The following HIVEP3 variants were observed in gnomAD, a reference collection of about 807,000 sequenced individuals.
HIVEP3 encodes the protein transcription factor HIVEP3.
HIVEP3 carries 49 observed loss-of-function variants against 152.8 expected under a neutral mutation model. The observed-to-expected ratio is 0.32, with a 90% CI of 0.26 to 0.41. HIVEP3 has a LOEUF of 0.41. HIVEP3 is among the 10% of genes least tolerant of loss of function. HIVEP3 has a pLI of 1.00. For synonymous variants in HIVEP3, 1,269 were observed against 1,289.0 expected (o/e 0.98, Z 0.33); for missense variants, 2,790 against 3,103.3 (o/e 0.90, Z 2.40).
chr1:41,657,324 C>T (rs984877482), intron 2 of HIVEP3, among the ~76,000 whole-genome samples: 1 of 152,176 alleles, frequency 6.6e-6, no homozygotes, highest in African/African-American at 2.4e-5. Flanking sequence ...CTGAGCCCAT[C>T]GATGTCAGAG....
At chr1:41,721,620 C>T (rs1304916924) in intron 1 of HIVEP3, among the ~76,000 whole-genome samples, 1 of 152,206 alleles carries the variant, frequency 6.6e-6, no homozygotes, top group East Asian at 1.9e-4. Context: ...CTGCATCAGG[C>T]ACAGTTCTGA....
At chr1:41,812,692 A>G (rs1174445464) in intron 1 of HIVEP3, among the ~76,000 whole-genome samples, 5 of 145,326 alleles carry the variant, frequency 3.4e-5, no homozygotes, top group Admixed American at 6.8e-5. Flanking sequence ...GTGGGGGGGG[A>G]CCTGGGCTGC....
chr1:41,544,852 C>T (rs111203976), intron 5 of HIVEP3, among the ~76,000 whole-genome samples: 5 of 100,876 alleles, frequency 5.0e-5, no homozygotes, highest in Non-Finnish European at 8.0e-5. Flanking sequence ...ACTACCACCA[C>T]CACCACCACC....
chr1:41,726,569 C>T (rs188023723), intron 1 of HIVEP3, among the ~76,000 whole-genome samples: 55 of 152,264 alleles, frequency 3.6e-4, no homozygotes, highest in Non-Finnish European at 3.1e-4. Context: ...GGCCTCACCA[C>T]GATTTGAACT....
chr1:41,675,429 C>T (rs1422896072), intron 2 of HIVEP3, among the ~76,000 whole-genome samples: 3 of 152,182 alleles, frequency 2.0e-5, no homozygotes, highest in African/African-American at 7.2e-5. Flanking sequence ...GGAAGCCCTC[C>T]CCTGCCCCCA....
chr1:41,806,981 A>G (rs951958251), intron 1 of HIVEP3, among the ~76,000 whole-genome samples: 2 of 151,480 alleles, frequency 1.3e-5, no homozygotes, highest in African/African-American at 4.9e-5. Flanking sequence ...GTCATCGAGT[A>G]AGCAGTGGGG....
intron 1 of HIVEP3, among the ~76,000 whole-genome samples, chr1:41,896,215 A>G (rs114234449): frequency 2.8e-3 from 424 of 152,304 alleles, no homozygotes; most frequent in Middle Eastern, 6.8e-3. Flanking sequence ...AATAAAAACA[A>G]TGTCTACCAC....
intron 5 of HIVEP3, among the ~76,000 whole-genome samples, chr1:41,526,805 TCA>T (rs888329248): frequency 1.0e-3 from 87 of 84,954 alleles, no homozygotes; most frequent in Non-Finnish European, 1.2e-3. Flanking sequence ...ACGCTCACCC[TCA>T]CACATACACC....
chr1:41,849,368 T>C (rs1365682513), intron 1 of HIVEP3, among the ~76,000 whole-genome samples: 1 of 152,220 alleles, frequency 6.6e-6, no homozygotes, highest in South Asian at 2.1e-4. Flanking sequence ...AAACTAACCA[T>C]GCACAAACTT....
chr1:41,594,056 T>C (rs926936743), intron 3 of HIVEP3, among the ~76,000 whole-genome samples: 1 of 151,948 alleles, frequency 6.6e-6, no homozygotes, highest in African/African-American at 2.4e-5. Flanking sequence ...TTACATTGAG[T>C]CCACCTGGAT....
chr1:41,779,890 T>C (rs1179040365), intron 1 of HIVEP3, among the ~76,000 whole-genome samples: 1 of 152,310 alleles, frequency 6.6e-6, no homozygotes, highest in East Asian at 1.9e-4. Context: ...GTCAGACAGA[T>C]GCCGATGTGC....
chr1:41,988,373 C>G (rs1342738361), intron 1 of HIVEP3, among the ~76,000 whole-genome samples: 1 of 151,994 alleles, frequency 6.6e-6, no homozygotes, highest in East Asian at 1.9e-4. Flanking sequence ...AAACTCAAAC[C>G]ACTCAATATT....
Position 42,017,172 on chromosome 1 carries a change from A to G in HIVEP3, n.119+18635T>C, listed in dbSNP as rs1037821492. Reference sequence around the variant, plus strand: ...TTTCTTTTCAAAGAAATTTTTTCCAATTCATGTTTCTGAGATTATAAAAAA... The same window carrying G: ...TTTCTTTTCAAAGAAATTTTTTCCAGTTCATGTTTCTGAGATTATAAAAAA... On this transcript the variant is annotated intron_variant and non_coding_transcript_variant, in intron 1 of 3. Coordinates refer to the HIVEP3 transcript ENST00000489103. Among the ~76,000 whole-genome samples the G allele has an allele frequency of 2.6e-5, 4 of 151,956 alleles. No homozygotes were observed. The East Asian group carries it at 5.8e-4, about 22-fold the overall frequency.
chr1:41,780,996 T>C (rs1649008371), intron 1 of HIVEP3, among the ~76,000 whole-genome samples: 1 of 152,196 alleles, frequency 6.6e-6, no homozygotes, highest in Non-Finnish European at 1.5e-5. Flanking sequence ...TGTTCCCCCA[T>C]TGTTCGTGAT....
rs1482418311 is a variant in HIVEP3 at position 41,682,643 on chromosome 1, G to A, written c.-721+18273C>T. On this transcript the variant is annotated intron_variant, in intron 2 of 8. Transcript: ENST00000372583. ...TGACGCCCAGCCGGGGACAGGTGGT[G>A]CCTAGGGATGCAGGACCTCTTGGTG... Among the ~76,000 whole-genome samples, 3 of 152,084 alleles carry A rather than the reference G, an allele frequency of 2.0e-5. 1 individual carries two copies. The highest frequency in any genetic ancestry group is 1.9e-4 in the East Asian group (1 of 5,194).
At chr1:41,512,747 A>G in intron 8 of HIVEP3, 69 bp downstream of exon 8, 1 of 1,256,928 alleles carries the variant, frequency 8.0e-7, no homozygotes, top group South Asian at 1.6e-5. Context: ...GATACCCAGG[A>G]GGGTGTGAAC....
rs143585095 is a variant in HIVEP3 at position 41,963,849 on chromosome 1, T to C, written n.120-45325A>G. 2.6e-5 allele frequency among the ~76,000 whole-genome samples: 4 copies of C among 152,280 alleles called. No individual in the cohort carries two copies. In the East Asian group the frequency reaches 7.7e-4, roughly 29 times the overall value. On this transcript the variant is annotated intron_variant and non_coding_transcript_variant, in intron 1 of 3. Transcript: ENST00000489103. ...TTTTTTTCTGCCGAACAGATTCAAG[T>C]TCACAAACAGTCACTCCCGGACATA...
At position 41,774,711 on chromosome 1, in the gene HIVEP3, T is replaced by A. The variant is rs141610264; in HGVS notation, c.-800-73716A>T. Among the ~76,000 whole-genome samples, 399 of 152,272 alleles carry A rather than the reference T, an allele frequency of 2.6e-3. 1 individual carries two copies. Among genetic ancestry groups the A allele is most frequent in the Non-Finnish European group, 4.5e-3 (307 of 68,016 alleles). On this transcript the variant is annotated intron_variant, in intron 1 of 8. Coordinates refer to ENST00000372583, the MANE Select transcript of HIVEP3 (RefSeq NM_024503.5). ...TTTAGAGTAAGATGAGATCTTAGGA[T>A]CACTGCTTCTAATTAAAGTCATGTG...
intron 1 of HIVEP3, among the ~76,000 whole-genome samples, chr1:41,943,227 A>G (rs1183323026): frequency 6.6e-6 from 1 of 152,186 alleles, no homozygotes; most frequent in Non-Finnish European, 1.5e-5. Context: ...TATATTCTCA[A>G]AAAGAAGAAA....
Sources: allele counts gnomAD v4.1 joint callset (sites outside exome capture counted in the v4.1 genomes callset), GRCh38; gene constraint gnomAD v4.1.1; transcripts MANE v1.5; gene names NCBI Gene and HGNC (gene_info 2026-07-23, HGNC 2026-07-21).